GABRG1: variants seen among roughly 807,000 people sequenced by gnomAD.
GABRG1 encodes gamma-aminobutyric acid receptor subunit gamma-1.
Under a neutral mutation model 49.8 loss-of-function variants are expected in GABRG1, and 49 were observed. That is an observed-to-expected ratio of 0.98 (90% CI 0.78 to 1.25). GABRG1 has a LOEUF of 1.25. Among genes scored for constraint, GABRG1 ranks in the 50% most tolerant of loss-of-function variants. GABRG1 has a pLI of 0.00. For missense variants in GABRG1, 552 were observed against 552.3 expected (o/e 1.00, Z 0.01); for synonymous variants, 232 against 185.1 (o/e 1.25, Z -2.06).
intron 3 of GABRG1, among the ~76,000 whole-genome samples, chr4:46,076,944 A>C (rs1280597535): frequency 6.6e-6 from 1 of 151,734 alleles, no homozygotes; most frequent in Non-Finnish European, 1.5e-5. Context: ...ATATTTAATA[A>C]TAATATTACT....
chr4:46,063,717 A>G (rs10012372), intron 5 of GABRG1, among the ~76,000 whole-genome samples: 76,583 of 151,648 alleles, frequency 0.51, 19,894 homozygotes, highest in African/African-American at 0.62. Context: ...GCACAGCAAA[A>G]GAAACTACCA....
chr4:46,056,269 A>G (rs1718445489), intron 7 of GABRG1, among the ~76,000 whole-genome samples: 1 of 151,756 alleles, frequency 6.6e-6, no homozygotes, highest in East Asian at 1.9e-4. Context: ...CCCTTCTCCA[A>G]ATTTATTTTC....
At chr4:46,084,216 T>C (rs1719671869) in intron 2 of GABRG1, among the ~76,000 whole-genome samples, 163 bp from the exon 3 acceptor site, 1 of 151,698 alleles carries the variant, frequency 6.6e-6, no homozygotes, top group Non-Finnish European at 1.5e-5. Flanking sequence ...TAAAAAACAA[T>C]CTTTTTGGTT....
intron 2 of GABRG1, among the ~76,000 whole-genome samples, chr4:46,084,276 G>A (rs1360907945): frequency 1.3e-5 from 2 of 151,666 alleles, no homozygotes; most frequent in Admixed American, 1.3e-4. Context: ...ATGAGATAAT[G>A]CAGAAAAATG....
intron 2 of GABRG1, among the ~76,000 whole-genome samples, chr4:46,092,706 A>G (rs1467515552): frequency 6.6e-6 from 1 of 152,080 alleles, no homozygotes; most frequent in African/African-American, 2.4e-5. Flanking sequence ...TATTTCCTAA[A>G]AAAAATTACT....
chr4:46,067,025 C>T (rs1025961562), intron 3 of GABRG1, among the ~76,000 whole-genome samples: 2 of 151,036 alleles, frequency 1.3e-5, no homozygotes, highest in African/African-American at 2.4e-5. Context: ...CACTTGATGT[C>T]GTATTAGCAA....
At chr4:46,112,438 G>T (rs544715692) in intron 1 of GABRG1, among the ~76,000 whole-genome samples, 15 of 151,414 alleles carry the variant, frequency 9.9e-5, no homozygotes, top group African/African-American at 3.6e-4. Flanking sequence ...ATTTCTCAAA[G>T]AACTTAAAAC....
chr4:46,105,593 A>G (rs1009395411), intron 1 of GABRG1, among the ~76,000 whole-genome samples: 3 of 151,484 alleles, frequency 2.0e-5, no homozygotes, highest in Non-Finnish European at 1.5e-5. Flanking sequence ...AAGTTCAGAA[A>G]AATTGTTATT....
At chr4:46,044,592 C>A (rs1717914869) in intron 8 of GABRG1, among the ~76,000 whole-genome samples, 1 of 151,978 alleles carries the variant, frequency 6.6e-6, no homozygotes, top group South Asian at 2.1e-4. Context: ...GGAAATAGGC[C>A]AATGGATAAA....
At chr4:46,064,641 A>G in intron 4 of GABRG1, 118 bp from the exon 5 acceptor site, 1 of 443,370 alleles carries the variant, frequency 2.3e-6, no homozygotes, top group Admixed American at 4.1e-5. Context: ...ACCTATTAGA[A>G]TATAATAATG....
chr4:46,094,202 T>G (rs1228952002), intron 2 of GABRG1, among the ~76,000 whole-genome samples: 2 of 151,852 alleles, frequency 1.3e-5, no homozygotes, highest in Non-Finnish European at 2.9e-5. Flanking sequence ...AAGAGAAAAG[T>G]AGAAGTAAAC....
chr4:46,080,869 T>C (rs181951023), intron 3 of GABRG1, among the ~76,000 whole-genome samples: 23 of 151,982 alleles, frequency 1.5e-4, no homozygotes, highest in Admixed American at 1.3e-4. Context: ...ATTACAATAC[T>C]CCACTAAAGA....
chr4:46,117,401 A>G (rs969692756), intron 1 of GABRG1, among the ~76,000 whole-genome samples: 6 of 150,282 alleles, frequency 4.0e-5, no homozygotes, highest in Non-Finnish European at 6.0e-5. Context: ...ACTAAATTAT[A>G]TAGCCTTCAA....
chr4:46,048,227 G>T (rs1344130499), intron 8 of GABRG1, among the ~76,000 whole-genome samples: 1 of 151,942 alleles, frequency 6.6e-6, no homozygotes, highest in Non-Finnish European at 1.5e-5. Context: ...AGACTTTCTT[G>T]AAAATAAATG....
At chr4:46,071,140 TG>T (rs1358915823) in intron 3 of GABRG1, among the ~76,000 whole-genome samples, 1 of 152,054 alleles carries the variant, frequency 6.6e-6, no homozygotes, top group African/African-American at 2.4e-5. Flanking sequence ...AAACCTATTA[TG>T]CTGCCAGTTG....
intron 1 of GABRG1, among the ~76,000 whole-genome samples, chr4:46,103,881 A>C (rs1322004789): frequency 6.6e-6 from 1 of 151,256 alleles, no homozygotes; most frequent in Non-Finnish European, 1.5e-5. Flanking sequence ...ATCAAAACTG[A>C]TATTTTATAT....
chr4:46,053,792 A>G (rs1340803846), intron 7 of GABRG1, among the ~76,000 whole-genome samples: 1 of 152,064 alleles, frequency 6.6e-6, no homozygotes, highest in Admixed American at 6.6e-5. Flanking sequence ...GCTTTCAGAC[A>G]TTTATTTAAT....
intron 8 of GABRG1, among the ~76,000 whole-genome samples, chr4:46,045,641 A>G (rs559534609): frequency 5.3e-5 from 8 of 152,178 alleles, no homozygotes; most frequent in Non-Finnish European, 1.2e-4. Context: ...AATGATAATA[A>G]AATTGGCACT....
Position 46,051,455 on chromosome 4 carries a change from G to A in GABRG1, c.1100C>T (p.Thr367Ile), listed in dbSNP as rs746021913. The A allele has an allele frequency of 3.7e-6, 6 of 1,609,492 alleles. No homozygotes were observed. The African/African-American group carries it at 6.7e-5, about 18-fold the overall frequency. The change falls in exon 8 of 9, where the codon ACT (threonine) becomes ATT (isoleucine). Residue 367 changes from threonine to isoleucine, a missense_variant. Coordinates refer to ENST00000295452, the MANE Select transcript of GABRG1 (RefSeq NM_173536.4). ...FTSNQKGKTA[T>I]KDRKLKNKAS... Reference sequence around the variant, plus strand: ...TTTATTTTTTAGCTTTCTGTCTTTAGTAGCAGTCTTTCCTTTTTGGTTGCT... The same window carrying A: ...TTTATTTTTTAGCTTTCTGTCTTTAATAGCAGTCTTTCCTTTTTGGTTGCT...
Sources: gnomAD v4.1 joint callset for allele counts (sites outside exome capture counted in the v4.1 genomes callset) on GRCh38, gnomAD v4.1.1 for gene constraint, MANE v1.5 for transcripts, NCBI Gene and HGNC (gene_info 2026-07-23, HGNC 2026-07-21) for gene names.